HS2ST1: variants seen among roughly 807,000 people sequenced by gnomAD.
HS2ST1 encodes the protein heparan sulfate 2-O-sulfotransferase 1.
Under a neutral mutation model 42.9 loss-of-function variants are expected in HS2ST1, and 18 were observed. The observed-to-expected ratio is 0.42, with a 90% CI of 0.29 to 0.62. HS2ST1 has a LOEUF of 0.62. HS2ST1 is among the 20% of genes least tolerant of loss of function. HS2ST1 has a pLI of 0.21. For missense variants in HS2ST1, 334 were observed against 433.8 expected, an observed-to-expected ratio of 0.77 and a Z score of 2.04; for synonymous variants, 146 against 152.9, an observed-to-expected ratio of 0.95 and a Z score of 0.33.
intron 1 of HS2ST1, among the ~76,000 whole-genome samples, chr1:87,002,630 GAAAA>G (rs1213259275): frequency 1.4e-5 from 2 of 145,482 alleles, no homozygotes; most frequent in African/African-American, 5.4e-5. Flanking sequence ...AAAAGAAAAA[GAAAA>G]AAAAGAGTTA....
chr1:86,959,273 T>C (rs1453228347), intron 1 of HS2ST1, among the ~76,000 whole-genome samples: 1 of 152,208 alleles, frequency 6.6e-6, no homozygotes, highest in Non-Finnish European at 1.5e-5. Flanking sequence ...GGTATACCGA[T>C]TGAGAAGGAA....
intron 1 of HS2ST1, among the ~76,000 whole-genome samples, chr1:87,064,833 A>T (rs1224842817): frequency 1.3e-5 from 2 of 152,014 alleles, no homozygotes; most frequent in Non-Finnish European, 2.9e-5. Flanking sequence ...GCTAATTTTT[A>T]AAAATTTTTA....
intron 1 of HS2ST1, chr1:86,935,018 C>G (rs1660616007): frequency 6.7e-6 from 1 of 149,638 alleles, no homozygotes; most frequent in Non-Finnish European, 1.5e-5. Flanking sequence ...CTTCCAAGCT[C>G]TGTCCACATC....
chr1:86,988,048 C>T (rs980653730), intron 1 of HS2ST1, among the ~76,000 whole-genome samples: 15 of 152,324 alleles, frequency 9.8e-5, no homozygotes, highest in African/African-American at 3.6e-4. Flanking sequence ...CTCACCTCAG[C>T]TCCATTTGCA....
rs573925543 is a variant in HS2ST1 at position 86,945,690 on chromosome 1, A to T, written c.124+30530A>T. On this transcript the variant is annotated intron_variant, in intron 1 of 6. Coordinates refer to ENST00000370550, the MANE Select transcript of HS2ST1 (RefSeq NM_012262.4). ...GAAGAACCATGATTATGAATATGCC[A>T]GGCATCGGAAGAACTTCAAATATAA... Among the ~76,000 whole-genome samples, 3 of 152,342 alleles carry T rather than the reference A, an allele frequency of 2.0e-5. No individual in the cohort carries two copies. The South Asian group carries it at 6.2e-4, about 32-fold the overall frequency.
chr1:87,050,340 C>T (rs1264075811), intron 1 of HS2ST1, among the ~76,000 whole-genome samples: 1 of 151,342 alleles, frequency 6.6e-6, no homozygotes, highest in Non-Finnish European at 1.5e-5. Flanking sequence ...AATCTTATTC[C>T]TAAAATTTCT....
intron 1 of HS2ST1, among the ~76,000 whole-genome samples, chr1:86,982,986 T>C (rs1202102769): frequency 6.6e-6 from 1 of 152,196 alleles, no homozygotes; most frequent in African/African-American, 2.4e-5. Flanking sequence ...AATAAATTAC[T>C]CGTCTGCATC....
Position 87,103,474 on chromosome 1 carries a change from C to A in HS2ST1, c.729C>A (p.Asn243Lys). The change falls in exon 6 of 7, where the codon AAC becomes AAA. Residue 243 changes from asparagine (N) to lysine (K), a missense_variant. Coordinates refer to ENST00000370550, the MANE Select transcript of HS2ST1 (RefSeq NM_012262.4). Reference protein sequence around the residue: ...SRWAMDQAKYNLINEYFLVGV... With the variant: ...SRWAMDQAKYKLINEYFLVGV... ...GGGCTATGGATCAAGCCAAGTATAA[C>A]CTAATTAATGAATATTTTCTGGTGG... 6.2e-7 allele frequency: 1 copy of A among 1,612,496 alleles called. No individual in the cohort carries two copies. Among genetic ancestry groups the A allele is most frequent in the Non-Finnish European group, 8.5e-7 (1 of 1,179,406 alleles).
At chr1:87,086,427 A>G (rs1306415097) in intron 3 of HS2ST1, among the ~76,000 whole-genome samples, 2 of 152,194 alleles carry the variant, frequency 1.3e-5, no homozygotes, top group African/African-American at 4.8e-5. Context: ...TACTCTTCAA[A>G]ACAATATTCT....
intron 1 of HS2ST1, among the ~76,000 whole-genome samples, chr1:86,971,944 A>G (rs528265666): frequency 2.0e-5 from 3 of 152,268 alleles, no homozygotes; most frequent in African/African-American, 7.2e-5. Flanking sequence ...TTAACCTTCA[A>G]CTTTTTATAC....
chr1:87,008,452 A>G (rs1046040605), intron 1 of HS2ST1, among the ~76,000 whole-genome samples: 1 of 152,212 alleles, frequency 6.6e-6, no homozygotes, highest in Admixed American at 6.5e-5. Flanking sequence ...ATACACTGTA[A>G]TATTTTGAAA....
rs541839384 is a variant in HS2ST1 at position 87,031,895 on chromosome 1, C to T, written c.125-41039C>T. Among the ~76,000 whole-genome samples the T allele has an allele frequency of 3.9e-5, 6 of 152,212 alleles. 1 individual carries two copies. In the South Asian group the frequency reaches 1.0e-3, roughly 26 times the overall value. ...AAAAATGAAATGTTTAGGTGCCAGT[C>T]TTCTAAAATGGAAAAATGTTTCATT... On this transcript the variant is annotated intron_variant, in intron 1 of 6. Coordinates refer to ENST00000370550, the MANE Select transcript of HS2ST1 (RefSeq NM_012262.4).
chr1:86,938,003 C>T (rs1570433065), intron 1 of HS2ST1, among the ~76,000 whole-genome samples: 2 of 152,066 alleles, frequency 1.3e-5, no homozygotes, highest in East Asian at 1.9e-4. Context: ...AGACAATAAT[C>T]ATTGTCTGAT....
intron 1 of HS2ST1, among the ~76,000 whole-genome samples, chr1:86,990,822 ATATATATATATATATTTTTTT>A (rs1427533777): frequency 9.3e-4 from 15 of 16,150 alleles, no homozygotes; most frequent in East Asian, 5.4e-3. Flanking sequence ...TTATATATAT[ATATATATATATATATTTTTTT>A]TTTTTTTTTT....
At chr1:86,957,852 T>C (rs1407571243) in intron 1 of HS2ST1, among the ~76,000 whole-genome samples, 3 of 150,550 alleles carry the variant, frequency 2.0e-5, no homozygotes, top group Non-Finnish European at 4.4e-5. Flanking sequence ...TGGAGTGCAA[T>C]GGTGTGCTCT....
intron 1 of HS2ST1, among the ~76,000 whole-genome samples, chr1:87,061,411 C>G (rs532970727): frequency 4.2e-4 from 64 of 152,228 alleles, no homozygotes; most frequent in Non-Finnish European, 8.4e-4. Context: ...TCTCCCTCCC[C>G]CCATTCCCTG....
At chr1:87,067,597 CT>C (rs1410133306) in intron 1 of HS2ST1, among the ~76,000 whole-genome samples, 6 of 151,946 alleles carry the variant, frequency 3.9e-5, no homozygotes, top group Non-Finnish European at 8.8e-5. Context: ...TCAATTTTGG[CT>C]TTTGTTGCCA....
chr1:86,985,499 CATATAT>C (rs1648750808), intron 1 of HS2ST1, among the ~76,000 whole-genome samples: 8 of 73,480 alleles, frequency 1.1e-4, no homozygotes, highest in African/African-American at 3.3e-4. Flanking sequence ...TATATATACA[CATATAT>C]ACACATATAT....
chr1:87,046,605 C>T, intron 1 of HS2ST1: 2 of 1,577,934 alleles, frequency 1.3e-6, no homozygotes, highest in Non-Finnish European at 1.7e-6. Context: ...TTGGACTGGG[C>T]TGAAGTACAA....
Sources: gnomAD v4.1 joint callset for allele counts (sites outside exome capture counted in the v4.1 genomes callset) on GRCh38, gnomAD v4.1.1 for gene constraint, MANE v1.5 for transcripts, NCBI Gene and HGNC (gene_info 2026-07-23, HGNC 2026-07-21) for gene names.